Variants in PDE4D observed in about 807,000 individuals in gnomAD.
The protein encoded by PDE4D is 3',5'-cyclic-AMP phosphodiesterase 4D.
A neutral mutation model predicts 87.4 loss-of-function variants in PDE4D; 24 were observed. That is an observed-to-expected ratio of 0.27 (90% confidence interval 0.20 to 0.39). PDE4D has a LOEUF of 0.39. PDE4D is among the 10% of genes least tolerant of loss of function. PDE4D has a pLI of 1.00. For synonymous variants in PDE4D, 384 were observed against 383.2 expected, an observed-to-expected ratio of 1.00 and a Z score of -0.02; for missense variants, 714 against 1,041.0, an observed-to-expected ratio of 0.69 and a Z score of 4.32.
At chr5:60,395,539 C>A (rs1762832204) in intron 1 of PDE4D, among the ~76,000 whole-genome samples, 2 of 152,058 alleles carry the variant, frequency 1.3e-5, no homozygotes, top group Admixed American at 1.3e-4. Context: ...ATTCCATTAT[C>A]ACAGTGTCTG....
rs702530 is a variant in PDE4D, at chr5:58,971,730, C to T, written c.*2934G>A. On this transcript the variant is annotated 3_prime_UTR_variant, in exon 15 of 15. Transcript: ENST00000340635. ...TGCAAGCTGAAATGCACTGGTTTTACACAAACTTGGACATTTTTTTCCCCA... is the reference window on the plus strand; with the variant it reads ...TGCAAGCTGAAATGCACTGGTTTTATACAAACTTGGACATTTTTTTCCCCA... 100,152 of 152,424 alleles carry T rather than the reference C, an allele frequency of 0.66. 32,988 individuals are homozygous for T. Among genetic ancestry groups the T allele is most frequent in the Middle Eastern group, 0.74 (218 of 294 alleles). 9.4% of individuals were successfully genotyped at this position (152,424 alleles called of 1,614,324 possible).
At chr5:59,982,758 A>G (rs1036326050) in intron 3 of PDE4D, among the ~76,000 whole-genome samples, 8 of 152,206 alleles carry the variant, frequency 5.3e-5, no homozygotes, top group Non-Finnish European at 1.2e-4. Context: ...CTGAAACAGG[A>G]GCCAATTTCT....
intron 1 of PDE4D, among the ~76,000 whole-genome samples, chr5:59,321,624 G>C (rs1774737971): frequency 6.6e-6 from 1 of 152,100 alleles, no homozygotes; most frequent in African/African-American, 2.4e-5. Context: ...ATGAGATGGT[G>C]TGAAAAGGCG....
chr5:60,291,453 C>G (rs1752888573), intron 1 of PDE4D, among the ~76,000 whole-genome samples: 1 of 151,662 alleles, frequency 6.6e-6, no homozygotes, highest in African/African-American at 2.4e-5. Flanking sequence ...TTTTACTTTT[C>G]TAAATTAAAA....
intron 1 of PDE4D, among the ~76,000 whole-genome samples, chr5:59,570,806 T>C (rs1821706858): frequency 6.6e-6 from 1 of 152,146 alleles, no homozygotes; most frequent in Non-Finnish European, 1.5e-5. Flanking sequence ...ATACAATGAA[T>C]AGCTATAAAA....
intron 1 of PDE4D, among the ~76,000 whole-genome samples, chr5:59,417,031 A>G (rs954864189): frequency 3.3e-5 from 5 of 152,136 alleles, no homozygotes; most frequent in Non-Finnish European, 5.9e-5. Context: ...TTTTCGAAAT[A>G]TTGTGTATGA....
At chr5:59,677,162 T>A (rs763891175) in intron 1 of PDE4D, among the ~76,000 whole-genome samples, 44 of 152,160 alleles carry the variant, frequency 2.9e-4, no homozygotes, top group Admixed American at 1.4e-3. Flanking sequence ...TTTGTATATA[T>A]ACCCACAGAA....
chr5:60,187,777 G>A (rs768935942), intron 1 of PDE4D, among the ~76,000 whole-genome samples: 56 of 152,226 alleles, frequency 3.7e-4, no homozygotes, highest in African/African-American at 5.5e-4. Flanking sequence ...GGCACCTAGC[G>A]TCAGTAAAAG....
At chr5:59,213,224 G>A (rs930922004) in intron 2 of PDE4D, among the ~76,000 whole-genome samples, 3 of 150,478 alleles carry the variant, frequency 2.0e-5, no homozygotes, top group Non-Finnish European at 3.0e-5. Flanking sequence ...GACTGCAGTG[G>A]CATGATCGTA....
intron 1 of PDE4D, among the ~76,000 whole-genome samples, chr5:60,250,179 CTTATAAGTTA>C (rs1322243417): frequency 6.6e-6 from 1 of 151,860 alleles, no homozygotes; most frequent in East Asian, 1.9e-4. Context: ...TATTTTTTCA[CTTATAAGTTA>C]TTACTCATTT....
At chr5:59,917,962 G>C (rs1234488042) in intron 3 of PDE4D, among the ~76,000 whole-genome samples, 1 of 151,764 alleles carries the variant, frequency 6.6e-6, no homozygotes, top group Non-Finnish European at 1.5e-5. Context: ...AGCTTATATA[G>C]AAAATCCAAA....
chr5:59,056,103 TG>T (rs1762312907), intron 5 of PDE4D, among the ~76,000 whole-genome samples: 1 of 152,170 alleles, frequency 6.6e-6, no homozygotes, highest in Admixed American at 6.5e-5. Context: ...CGCCTCCACC[TG>T]GTAGTTCATG....
At chr5:59,678,031 C>T (rs1024476321) in intron 1 of PDE4D, among the ~76,000 whole-genome samples, 6 of 151,946 alleles carry the variant, frequency 3.9e-5, no homozygotes, top group Non-Finnish European at 8.8e-5. Context: ...ATAAATAATC[C>T]CATGATTACT....
At position 58,988,602 on chromosome 5, in the gene PDE4D, C is replaced by G. The variant is rs1001417564; in HGVS notation, c.1453-10G>C. ...AATCTGTAAACACAGCCTGGAAAAT[C>G]AGACAATATAGATAATATTACTATT... is the stretch of plus-strand genomic sequence containing the variant. On this transcript the variant is annotated splice_polypyrimidine_tract_variant and intron_variant, in intron 10 of 14. Coordinates refer to ENST00000340635, the MANE Select transcript of PDE4D (RefSeq NM_001104631.2). 2.2e-6 allele frequency: 3 copies of G among 1,346,990 alleles called. No homozygotes were observed. The highest frequency in any genetic ancestry group is 3.1e-6 in the Non-Finnish European group (3 of 983,088). The allele number at this position is 1,346,990 out of a possible 1,614,324, so 83.4% of individuals were successfully genotyped here.
intron 1 of PDE4D, among the ~76,000 whole-genome samples, chr5:59,689,338 C>T (rs1161088405): frequency 2.0e-5 from 3 of 152,088 alleles, no homozygotes; most frequent in South Asian, 2.1e-4. Flanking sequence ...ACTGGCAAAC[C>T]GAAGCCAGCA....
At chr5:60,190,337 C>T (rs1253529288) in intron 1 of PDE4D, among the ~76,000 whole-genome samples, 1 of 152,164 alleles carries the variant, frequency 6.6e-6, no homozygotes, top group Non-Finnish European at 1.5e-5. Flanking sequence ...CTTCAGTTGG[C>T]CCTCTGCTAC....
chr5:59,923,316 G>A (rs1465735457), intron 3 of PDE4D, among the ~76,000 whole-genome samples: 1 of 152,204 alleles, frequency 6.6e-6, no homozygotes, highest in Non-Finnish European at 1.5e-5. Context: ...AAGCCTTGTT[G>A]GCTATGCTAC....
chr5:59,924,372 T>C (rs146957762), intron 3 of PDE4D, among the ~76,000 whole-genome samples: 4 of 152,162 alleles, frequency 2.6e-5, no homozygotes, highest in Admixed American at 2.6e-4. Flanking sequence ...AATATTCAAG[T>C]ACAAGAAGGT....
At chr5:60,257,258 A>G (rs1364499812) in intron 1 of PDE4D, among the ~76,000 whole-genome samples, 1 of 150,224 alleles carries the variant, frequency 6.7e-6, no homozygotes, top group East Asian at 1.9e-4. Flanking sequence ...GAAAGAAAAG[A>G]AAAGAAAGAG....
Sources: allele counts gnomAD v4.1 joint callset (sites outside exome capture counted in the v4.1 genomes callset), GRCh38; gene constraint gnomAD v4.1.1; transcripts MANE v1.5; gene names NCBI Gene and HGNC (gene_info 2026-07-23, HGNC 2026-07-21).